WNT7A: variants seen among roughly 807,000 people sequenced by gnomAD.
WNT7A encodes the protein protein Wnt-7a.
In WNT7A, 16 loss-of-function variants were observed where a neutral mutation model predicts 28.2. The ratio of observed to expected loss-of-function variants is 0.57; its 90% CI spans 0.38 to 0.86. WNT7A has a LOEUF of 0.86. Among genes scored for constraint, WNT7A ranks in the 40% least tolerant of loss-of-function variants. WNT7A has a pLI of 0.00. For missense variants in WNT7A, 411 were observed against 489.7 expected (o/e 0.84, Z 1.52); for synonymous variants, 190 against 195.9 (o/e 0.97, Z 0.25).
At chr3:13,833,118 C>A (rs1234884720) in intron 3 of WNT7A, among the ~76,000 whole-genome samples, 1 of 152,062 alleles carries the variant, frequency 6.6e-6, no homozygotes, top group African/African-American at 2.4e-5. Context: ...CACATCCCAC[C>A]ATGTGCTCAC....
chr3:13,861,713 T>C (rs894046198), intron 2 of WNT7A, among the ~76,000 whole-genome samples: 3 of 152,076 alleles, frequency 2.0e-5, no homozygotes, highest in Non-Finnish European at 4.4e-5. Context: ...GGTGAGGCTG[T>C]GGGCGGGTGT....
At chr3:13,842,119 T>A (rs1381517925) in intron 3 of WNT7A, among the ~76,000 whole-genome samples, 1 of 151,892 alleles carries the variant, frequency 6.6e-6, no homozygotes, top group Non-Finnish European at 1.5e-5. Context: ...AAGGCTTCTG[T>A]GTCTACTCTG....
At chr3:13,830,477 A>G (rs775411451) in intron 3 of WNT7A, among the ~76,000 whole-genome samples, 19 of 152,108 alleles carry the variant, frequency 1.2e-4, no homozygotes, top group Non-Finnish European at 1.9e-4. Context: ...CGGGTCCATC[A>G]TCCTCTGTGT....
intron 3 of WNT7A, among the ~76,000 whole-genome samples, chr3:13,843,471 T>G (rs1456241302): frequency 6.6e-6 from 1 of 152,070 alleles, no homozygotes; most frequent in Non-Finnish European, 1.5e-5. Flanking sequence ...GGGGCTCTGA[T>G]CGGAGCTCTT....
intron 2 of WNT7A, among the ~76,000 whole-genome samples, chr3:13,857,557 T>A (rs1694765813): frequency 6.6e-6 from 1 of 152,052 alleles, no homozygotes; most frequent in South Asian, 2.1e-4. Flanking sequence ...TTGCATAGAT[T>A]TGAGGCTCAA....
intron 2 of WNT7A, among the ~76,000 whole-genome samples, chr3:13,857,760 C>G (rs1334547293): frequency 1.3e-5 from 2 of 152,116 alleles, no homozygotes; most frequent in Non-Finnish European, 2.9e-5. Context: ...AATAGACCCT[C>G]AAGGACGTGA....
At chr3:13,823,047 G>A (rs1001739301) in intron 3 of WNT7A, among the ~76,000 whole-genome samples, 2 of 152,206 alleles carry the variant, frequency 1.3e-5, no homozygotes, top group Non-Finnish European at 2.9e-5. Context: ...TGCATTTTGA[G>A]AGATGCAGTG....
intron 3 of WNT7A, among the ~76,000 whole-genome samples, chr3:13,847,336 C>G (rs1369765563): frequency 1.3e-5 from 2 of 152,224 alleles, no homozygotes; most frequent in Non-Finnish European, 2.9e-5. Flanking sequence ...GCTCAGCTCC[C>G]CGACCCTGGC....
At chr3:13,823,445 C>T (rs1225942057) in intron 3 of WNT7A, among the ~76,000 whole-genome samples, 3 of 152,144 alleles carry the variant, frequency 2.0e-5, no homozygotes, top group South Asian at 2.1e-4. Flanking sequence ...GCCCCAGGCC[C>T]GAGCAATTGT....
chr3:13,821,970 A>T (rs1040660461), intron 3 of WNT7A, among the ~76,000 whole-genome samples: 1 of 152,266 alleles, frequency 6.6e-6, no homozygotes, highest in African/African-American at 2.4e-5. Flanking sequence ...GATACAATCA[A>T]TGGCCAACAA....
At chr3:13,863,409 T>C (rs1694863082) in intron 2 of WNT7A, among the ~76,000 whole-genome samples, 1 of 1,120 alleles carries the variant, frequency 8.9e-4, no homozygotes, top group Non-Finnish European at 1.5e-3. Flanking sequence ...TGTGTGTGTG[T>C]GTATGTGTAT....
chr3:13,864,956 G>T (rs1005089736), intron 2 of WNT7A, among the ~76,000 whole-genome samples: 1 of 152,226 alleles, frequency 6.6e-6, no homozygotes, highest in Non-Finnish European at 1.5e-5. Flanking sequence ...TGTCCGAAGC[G>T]AGGATGTGCC....
chr3:13,857,493 G>C (rs1389295954), intron 2 of WNT7A, among the ~76,000 whole-genome samples: 5 of 152,178 alleles, frequency 3.3e-5, no homozygotes, highest in Non-Finnish European at 5.9e-5. Context: ...GAGGTGGGCA[G>C]GTGGGGTTGG....
intron 2 of WNT7A, among the ~76,000 whole-genome samples, chr3:13,866,543 G>GGACA (rs2124871382): frequency 6.6e-6 from 1 of 152,310 alleles, no homozygotes; most frequent in African/African-American, 2.4e-5. Flanking sequence ...GAGCGGACAA[G>GGACA]GACAGGCAGT....
Position 13,818,989 on chromosome 3 carries a change from C to A in WNT7A, c.1005G>T (p.Lys335Asn), listed in dbSNP as rs755277783. The A allele has an allele frequency of 4.4e-6, 7 of 1,605,966 alleles. No individual in the cohort carries two copies. Among genetic ancestry groups the A allele is most frequent in the African/African-American group, 1.3e-5 (1 of 74,794 alleles). The stretch of plus-strand genomic sequence containing the variant: ...CCGTGCGCTCGCTGCACGTGTTGCA[C>A]TTGACATAGCAGCACCAGTGGAACT... Reference protein sequence around the residue: ...NCKFHWCCYVKCNTCSERTEM... With the variant: ...NCKFHWCCYVNCNTCSERTEM... Residue 335 changes from lysine to asparagine, a missense_variant, in exon 4 of 4, where the codon AAG becomes AAT. By Grantham distance (94) the Lys-to-Asn change is moderately conservative. Transcript: ENST00000285018.
intron 3 of WNT7A, among the ~76,000 whole-genome samples, chr3:13,824,249 C>T (rs1575059079): frequency 1.3e-5 from 2 of 152,274 alleles, no homozygotes; most frequent in East Asian, 3.9e-4. Context: ...CAGTCATTCC[C>T]CATTTCCCCT....
At chr3:13,857,847 C>T (rs1311299654) in intron 2 of WNT7A, among the ~76,000 whole-genome samples, 1 of 152,180 alleles carries the variant, frequency 6.6e-6, no homozygotes, top group Non-Finnish European at 1.5e-5. Flanking sequence ...TTGGGTGAGT[C>T]ACCTAACCTC....
At chr3:13,855,774 G>A (rs1694719299) in intron 2 of WNT7A, among the ~76,000 whole-genome samples, 1 of 152,144 alleles carries the variant, frequency 6.6e-6, no homozygotes, top group Non-Finnish European at 1.5e-5. Context: ...AGGAGCACTG[G>A]GCAAGTTCAC....
rs1375192572 is a variant in WNT7A, at chr3:13,818,863, G to T, written c.*81C>A. 2 of 1,496,192 alleles carry T rather than the reference G, an allele frequency of 1.3e-6. No individual in the cohort carries two copies. The highest frequency in any genetic ancestry group is 1.4e-5 in the South Asian group (1 of 73,236). The allele number at this position is 1,496,192 out of a possible 1,614,324, so 92.7% of individuals were successfully genotyped here. On this transcript the variant is annotated 3_prime_UTR_variant, in exon 4 of 4. Coordinates refer to ENST00000285018, the MANE Select transcript of WNT7A (RefSeq NM_004625.4). ...GCAGAAAAGACAAGCTCAGCATCCT[G>T]CCAGGGAGCCCGCAGCTTGGAAACG...
Sources: allele counts gnomAD v4.1 joint callset (sites outside exome capture counted in the v4.1 genomes callset), GRCh38; gene constraint gnomAD v4.1.1; transcripts MANE v1.5; gene names NCBI Gene and HGNC (gene_info 2026-07-23, HGNC 2026-07-21).